CYTH4: variants seen among roughly 807,000 people sequenced by gnomAD.
CYTH4 encodes cytohesin-4.
A neutral mutation model predicts 57.5 loss-of-function variants in CYTH4; 22 were observed. That is an observed-to-expected ratio of 0.38 (90% CI 0.27 to 0.55). The LOEUF is 0.55. Among genes scored for constraint, CYTH4 ranks in the 20% least tolerant of loss-of-function variants. The pLI is 0.74. For synonymous variants in CYTH4, 186 were observed against 206.5 expected, an observed-to-expected ratio of 0.90 and a Z score of 0.85; for missense variants, 420 against 535.6, an observed-to-expected ratio of 0.78 and a Z score of 2.13.
At chr22:37,286,821 GGT>G (rs1928577548) in intron 1 of CYTH4, among the ~76,000 whole-genome samples, 1 of 152,108 alleles carries the variant, frequency 6.6e-6, no homozygotes, top group South Asian at 2.1e-4. Flanking sequence ...TGAGATTTGG[GGT>G]CTTTGTCCCC....
Position 37,303,257 on chromosome 22 carries a change from C to A in CYTH4, c.551C>A (p.Thr184Asn). Residue 184 changes from threonine to asparagine, a missense_variant, in exon 8 of 13, where the codon ACC becomes AAC. Coordinates refer to ENST00000248901, the MANE Select transcript of CYTH4 (RefSeq NM_013385.5). ...GTGACCGCTGTCCCCTCCGCAGACA[C>A]CTGCTACGTGTTGTCCTTCTCCATC... ...CNPGVFQSTDTCYVLSFSIIM... is the reference protein window; with the variant it reads ...CNPGVFQSTDNCYVLSFSIIM... The A allele has an allele frequency of 1.2e-6, 2 of 1,614,130 alleles. No individual in the cohort carries two copies. Among genetic ancestry groups the A allele is most frequent in the South Asian group, 1.1e-5 (1 of 91,086 alleles).
At chr22:37,310,755 G>A (rs1023922633) in intron 9 of CYTH4, among the ~76,000 whole-genome samples, 1 of 152,200 alleles carries the variant, frequency 6.6e-6, no homozygotes, top group Admixed American at 6.5e-5. Context: ...ACCTGATCAC[G>A]GAGGCCACCC....
intron 2 of CYTH4, among the ~76,000 whole-genome samples, chr22:37,293,939 C>T (rs1354153383): frequency 6.6e-6 from 1 of 151,732 alleles, no homozygotes; most frequent in Non-Finnish European, 1.5e-5. Flanking sequence ...ATTGCAAAGT[C>T]CCTGGAAAGA....
intron 7 of CYTH4, among the ~76,000 whole-genome samples, chr22:37,301,355 G>A (rs1259334688): frequency 6.6e-6 from 1 of 152,158 alleles, no homozygotes; most frequent in Non-Finnish European, 1.5e-5. Flanking sequence ...TTTGAAGGAT[G>A]AGTAGGAGTT....
chr22:37,297,784 C>T (rs1929031104), intron 5 of CYTH4, 102 bp downstream of exon 5: 11 of 1,001,084 alleles, frequency 1.1e-5, no homozygotes, highest in Non-Finnish European at 1.6e-5. Context: ...TTAGCAAAGT[C>T]ATCACTCCTA....
At chr22:37,292,328 A>C (rs1457604241) in intron 1 of CYTH4, 2 of 408,836 alleles carry the variant, frequency 4.9e-6, no homozygotes, top group Non-Finnish European at 4.5e-6. Context: ...GAGTAGAACA[A>C]CTGAACTCTC....
chr22:37,313,373 C>A, intron 12 of CYTH4, 66 bp from the exon 13 acceptor site: 1 of 1,502,976 alleles, frequency 6.7e-7, no homozygotes, highest in Non-Finnish European at 9.3e-7. Context: ...CTGATACAAG[C>A]CCTGGGAGAG....
intron 1 of CYTH4, among the ~76,000 whole-genome samples, chr22:37,285,121 G>C (rs1228225200): frequency 6.6e-6 from 1 of 152,188 alleles, no homozygotes; most frequent in Non-Finnish European, 1.5e-5. Context: ...CCCTGGAAAG[G>C]GGAAGTGAGG....
At chr22:37,302,927 C>T (rs190636786) in intron 7 of CYTH4, among the ~76,000 whole-genome samples, 2 of 149,448 alleles carry the variant, frequency 1.3e-5, no homozygotes, top group African/African-American at 2.4e-5. Flanking sequence ...AAGGGCTCTG[C>T]GGGGAGGAGG....
intron 1 of CYTH4, among the ~76,000 whole-genome samples, chr22:37,282,855 A>G (rs761151535): frequency 2.8e-4 from 42 of 152,192 alleles, no homozygotes; most frequent in Non-Finnish European, 1.6e-4. Flanking sequence ...ATGTGATTCC[A>G]TATGTCAGTT....
At chr22:37,297,508 C>A (rs1273291923) in intron 4 of CYTH4, 56 bp from the exon 5 acceptor site, 3 of 1,508,692 alleles carry the variant, frequency 2.0e-6, no homozygotes, top group Non-Finnish European at 2.8e-6. Flanking sequence ...TCCCTTCCCC[C>A]TCCCAGGCCT....
intron 1 of CYTH4, among the ~76,000 whole-genome samples, chr22:37,290,751 G>A (rs1342086158): frequency 3.3e-5 from 5 of 152,128 alleles, no homozygotes; most frequent in East Asian, 3.9e-4. Context: ...CTCGTGACCC[G>A]CCCGCCTCGG....
At chr22:37,307,840 A>T (rs540016311) in intron 8 of CYTH4, among the ~76,000 whole-genome samples, 1 of 152,228 alleles carries the variant, frequency 6.6e-6, no homozygotes, top group East Asian at 1.9e-4. Flanking sequence ...CATAGAACGC[A>T]ATATCTCATG....
chr22:37,303,507 G>A (rs1035018133), intron 8 of CYTH4, 105 bp downstream of exon 8: 3 of 1,422,012 alleles, frequency 2.1e-6, no homozygotes, highest in Middle Eastern at 1.8e-4. Context: ...ACAGCCCCCA[G>A]TGGGGACTCT....
At chr22:37,309,961 T>G (rs1193125437) in intron 9 of CYTH4, 6 of 464,658 alleles carry the variant, frequency 1.3e-5, no homozygotes, top group Non-Finnish European at 2.2e-5. Flanking sequence ...CGTCTGCCCC[T>G]GCCTCCCACA....
intron 4 of CYTH4, 173 bp downstream of exon 4, chr22:37,296,238 C>T: frequency 2.9e-6 from 2 of 682,786 alleles, no homozygotes; most frequent in South Asian, 3.8e-5. Context: ...GCTGGGCGCC[C>T]TGTCTACTCC....
intron 8 of CYTH4, among the ~76,000 whole-genome samples, chr22:37,308,901 C>T (rs1336478265): frequency 6.6e-6 from 1 of 151,940 alleles, no homozygotes; most frequent in African/African-American, 2.4e-5. Context: ...TGTGTGTAAG[C>T]ATGTATATTT....
intron 5 of CYTH4, 57 bp downstream of exon 5, chr22:37,297,739 G>A: frequency 6.9e-7 from 1 of 1,446,844 alleles, no homozygotes. Flanking sequence ...GGTGTGTACA[G>A]GTGTGTGGAT....
Position 37,313,575 on chromosome 22 carries a change from G to T in CYTH4, c.*64G>T. On this transcript the variant is annotated 3_prime_UTR_variant, in exon 13 of 13. Coordinates refer to ENST00000248901, the MANE Select transcript of CYTH4 (RefSeq NM_013385.5). ...AGTCCCATCGCCTGCAGCACCTGGA[G>T]ACCCACCTCCCACCCCAGTGCACTC... 6.9e-7 allele frequency: 1 copy of T among 1,455,912 alleles called. No individual in the cohort carries two copies. The highest frequency in any genetic ancestry group is 9.6e-7 in the Non-Finnish European group (1 of 1,037,018). The allele number at this position is 1,455,912 out of a possible 1,614,324, so 90.2% of individuals were successfully genotyped here. A position where few individuals can be genotyped will look rare whatever the true frequency, so the allele number is the denominator to read the frequency against.
Sources: gnomAD v4.1 joint callset for allele counts (sites outside exome capture counted in the v4.1 genomes callset) on GRCh38, gnomAD v4.1.1 for gene constraint, MANE v1.5 for transcripts, NCBI Gene and HGNC (gene_info 2026-07-23, HGNC 2026-07-21) for gene names.